RGS7: variants seen among roughly 807,000 people sequenced by gnomAD.
RGS7 encodes the protein regulator of G-protein signaling 7.
In RGS7, 27 loss-of-function variants were observed where a neutral mutation model predicts 81.1. The observed-to-expected ratio is 0.33, with a 90% CI of 0.25 to 0.46. The LOEUF is 0.46. RGS7 is among the 20% of genes least tolerant of loss of function. The pLI is 1.00. For missense variants in RGS7, 396 were observed against 607.4 expected (o/e 0.65, Z 3.66); for synonymous variants, 208 against 207.7 (o/e 1.00, Z -0.01).
intron 5 of RGS7, among the ~76,000 whole-genome samples, chr1:240,932,178 C>T (rs1411594812): frequency 6.6e-6 from 1 of 152,034 alleles, no homozygotes; most frequent in Non-Finnish European, 1.5e-5. Context: ...GTCTCAGAGG[C>T]CCCCCCGACT....
At chr1:241,119,602 A>G (rs1291997441) in intron 2 of RGS7, among the ~76,000 whole-genome samples, 1 of 152,204 alleles carries the variant, frequency 6.6e-6, no homozygotes, top group African/African-American at 2.4e-5. Context: ...ATACTGATGC[A>G]CTGAGTTATG....
intron 2 of RGS7, among the ~76,000 whole-genome samples, chr1:241,238,865 A>G (rs2076117710): frequency 6.6e-6 from 1 of 152,160 alleles, no homozygotes; most frequent in African/African-American, 2.4e-5. Context: ...ATATGACACT[A>G]AAGAGCCTGA....
At chr1:241,232,375 T>C (rs1018518782) in intron 2 of RGS7, among the ~76,000 whole-genome samples, 7 of 151,904 alleles carry the variant, frequency 4.6e-5, no homozygotes, top group African/African-American at 1.7e-4. Context: ...TTTAAATACA[T>C]ATATTTTTTT....
intron 3 of RGS7, among the ~76,000 whole-genome samples, chr1:241,089,163 G>C (rs2063711056): frequency 6.9e-6 from 1 of 145,410 alleles, no homozygotes; most frequent in African/African-American, 2.6e-5. Context: ...AAGCATTTTA[G>C]ATGGAGGAAA....
At chr1:241,133,806 T>C (rs2067291745) in intron 2 of RGS7, among the ~76,000 whole-genome samples, 1 of 152,208 alleles carries the variant, frequency 6.6e-6, no homozygotes. Flanking sequence ...TTAGGTTTGG[T>C]CAAGGTGAAC....
chr1:241,222,440 T>A (rs1237095221), intron 2 of RGS7, among the ~76,000 whole-genome samples: 2 of 152,180 alleles, frequency 1.3e-5, no homozygotes, highest in Admixed American at 1.3e-4. Context: ...AGAACTACTG[T>A]TATACAGGAT....
chr1:241,064,423 CAAA>C (rs557864611), intron 3 of RGS7, among the ~76,000 whole-genome samples: 4 of 95,210 alleles, frequency 4.2e-5, no homozygotes, highest in Admixed American at 2.3e-4. Flanking sequence ...CAGTCTCTAC[CAAA>C]AAAAAAAAAA....
chr1:241,206,832 A>C (rs2147891306), intron 2 of RGS7, among the ~76,000 whole-genome samples: 1 of 152,020 alleles, frequency 6.6e-6, no homozygotes, highest in East Asian at 1.9e-4. Flanking sequence ...AATTTAACCT[A>C]ATTCTTCAGC....
At chr1:240,842,773 TTTTCTTTC>T (rs908581775) in intron 9 of RGS7, among the ~76,000 whole-genome samples, 1 of 151,824 alleles carries the variant, frequency 6.6e-6, no homozygotes, top group Non-Finnish European at 1.5e-5. Flanking sequence ...CTTCCTTCCT[TTTTCTTTC>T]TTTCTTTCTT....
chr1:241,003,527 A>G (rs932313423), intron 3 of RGS7, among the ~76,000 whole-genome samples: 4 of 151,678 alleles, frequency 2.6e-5, no homozygotes, highest in African/African-American at 9.7e-5. Context: ...TGATGATGTG[A>G]GCACTTCCCT....
intron 2 of RGS7, among the ~76,000 whole-genome samples, chr1:241,264,496 C>CAA (rs1366744967): frequency 6.7e-6 from 1 of 149,624 alleles, no homozygotes; most frequent in Non-Finnish European, 1.5e-5. Flanking sequence ...GACCCTGTCT[C>CAA]AAAGAAAAAA....
intron 4 of RGS7, among the ~76,000 whole-genome samples, chr1:240,976,199 C>G (rs1684037671): frequency 6.6e-6 from 1 of 152,228 alleles, no homozygotes; most frequent in Non-Finnish European, 1.5e-5. Flanking sequence ...TTCAGAAGCA[C>G]AGCACAGTTT....
chr1:241,102,578 C>T (rs2064835040), intron 2 of RGS7, among the ~76,000 whole-genome samples: 2 of 152,186 alleles, frequency 1.3e-5, no homozygotes, highest in African/African-American at 4.8e-5. Flanking sequence ...ATGTCTGCTC[C>T]CTCCATTCCC....
intron 3 of RGS7, among the ~76,000 whole-genome samples, chr1:241,074,969 T>A (rs1382726106): frequency 6.6e-6 from 1 of 152,198 alleles, no homozygotes; most frequent in Non-Finnish European, 1.5e-5. Context: ...TTTTGAATTA[T>A]TTACTGAGCT....
chr1:240,901,661 T>G (rs557980278), intron 6 of RGS7, among the ~76,000 whole-genome samples: 16 of 152,210 alleles, frequency 1.1e-4, no homozygotes, highest in African/African-American at 3.9e-4. Flanking sequence ...CCTGGGTTGG[T>G]TGGCATAGTT....
In RGS7 at chr1:241,207,348, C is replaced by CATATATATATATATATATATATATATAT. The variant is rs540737449; in HGVS notation, c.79-108587_79-108586insATATATATATATATATATATATATATAT. Reference sequence around the variant, plus strand: ...GGTATGGAGTATGCACTTTAAAATGCATATATATATATGCGTAAATATACA... The same window carrying CATATATATATATATATATATATATATAT: ...GGTATGGAGTATGCACTTTAAAATGCATATATATATATATATATATATATATATATATATATATATGCGTAAATATACA... On this transcript the variant is annotated intron_variant, in intron 2 of 18. Coordinates refer to ENST00000440928, the MANE Select transcript of RGS7 (RefSeq NM_001364886.1). Among the ~76,000 whole-genome samples, 1,150 of 143,356 alleles carry CATATATATATATATATATATATATATAT rather than the reference C, an allele frequency of 8.0e-3. 9 individuals carry two copies. Among genetic ancestry groups the CATATATATATATATATATATATATATAT allele is most frequent in the South Asian group, 0.026 (110 of 4,210 alleles). The allele number at this position is 143,356 out of a possible 152,430, so 94.0% of individuals were successfully genotyped here.
intron 3 of RGS7, among the ~76,000 whole-genome samples, chr1:241,051,031 T>C (rs1396848757): frequency 6.6e-6 from 1 of 152,084 alleles, no homozygotes; most frequent in African/African-American, 2.4e-5. Context: ...AACTGTAAAA[T>C]CCTAGGTTAT....
intron 6 of RGS7, among the ~76,000 whole-genome samples, chr1:240,888,626 G>A (rs1667766194): frequency 1.3e-5 from 2 of 152,288 alleles, no homozygotes; most frequent in South Asian, 4.2e-4. Flanking sequence ...TGCTTTCCAT[G>A]AGCCAAGAAC....
At chr1:241,310,473 CTGTG>C (rs1395896383) in intron 2 of RGS7, among the ~76,000 whole-genome samples, 1 of 98,178 alleles carries the variant, frequency 1.0e-5, no homozygotes, top group Non-Finnish European at 2.3e-5. Context: ...GTGTGTGTGT[CTGTG>C]TGTCTGTGTG....
Sources: gnomAD v4.1 joint callset for allele counts (sites outside exome capture counted in the v4.1 genomes callset) on GRCh38, gnomAD v4.1.1 for gene constraint, MANE v1.5 for transcripts, NCBI Gene and HGNC (gene_info 2026-07-23, HGNC 2026-07-21) for gene names.